SPEF2: variants seen among roughly 807,000 people sequenced by gnomAD.
SPEF2 encodes the protein sperm flagellar and cilia associated 2, also known as sperm flagella and cilia-associated protein 2.
In SPEF2, 187 loss-of-function variants were observed where a neutral mutation model predicts 224.6. The observed-to-expected ratio is 0.83, with a 90% confidence interval of 0.74 to 0.94. The LOEUF is 0.94. SPEF2 is among the 40% of genes least tolerant of loss of function. The pLI is 0.00. For missense variants in SPEF2, 2,170 were observed against 2,135.6 expected (o/e 1.02, Z -0.32); for synonymous variants, 715 against 707.3 (o/e 1.01, Z -0.17).
At chr5:35,672,019 T>C (rs971909529) in intron 10 of SPEF2, among the ~76,000 whole-genome samples, 4 of 151,836 alleles carry the variant, frequency 2.6e-5, no homozygotes, top group Non-Finnish European at 5.9e-5. Context: ...TTCAAGAACT[T>C]GTCCTAAATG....
chr5:35,676,432 A>G (rs1021039465), intron 10 of SPEF2, among the ~76,000 whole-genome samples: 2 of 152,178 alleles, frequency 1.3e-5, no homozygotes, highest in African/African-American at 2.4e-5. Context: ...TAAAGTTTTA[A>G]ATTTTAAAAC....
intron 29 of SPEF2, among the ~76,000 whole-genome samples, chr5:35,777,747 C>T (rs1753794658): frequency 6.6e-6 from 1 of 151,938 alleles, no homozygotes; most frequent in South Asian, 2.1e-4. Context: ...AAATCCTGTT[C>T]TTATTTTCCT....
intron 1 of SPEF2, 82 bp downstream of exon 1, chr5:35,618,137 A>C: frequency 1.4e-6 from 2 of 1,479,426 alleles, no homozygotes; most frequent in Non-Finnish European, 1.8e-6. Flanking sequence ...CACTCAGGGA[A>C]GGTGGCGGGC....
At chr5:35,670,764 A>G (rs1751132578) in intron 10 of SPEF2, 5 of 985,058 alleles carry the variant, frequency 5.1e-6, no homozygotes, top group Non-Finnish European at 6.0e-6. Flanking sequence ...TAGACAGACT[A>G]GAGCTACATT....
intron 19 of SPEF2, among the ~76,000 whole-genome samples, chr5:35,712,090 A>G (rs1741262380): frequency 6.6e-6 from 1 of 152,156 alleles, no homozygotes; most frequent in African/African-American, 2.4e-5. Flanking sequence ...ATATACTCAC[A>G]TCATTCTTTG....
chr5:35,651,060 T>C (rs557576800), intron 6 of SPEF2, among the ~76,000 whole-genome samples: 12 of 152,350 alleles, frequency 7.9e-5, no homozygotes, highest in Admixed American at 4.6e-4. Flanking sequence ...TTGGCCCATG[T>C]TCCAGATATC....
intron 23 of SPEF2, among the ~76,000 whole-genome samples, chr5:35,747,108 A>C (rs561264612): frequency 1.3e-5 from 2 of 152,302 alleles, no homozygotes; most frequent in African/African-American, 4.8e-5. Flanking sequence ...GTCTTTTTCA[A>C]ACAAACAAAT....
chr5:35,666,622 C>G (rs1056948212), intron 8 of SPEF2, among the ~76,000 whole-genome samples: 13 of 152,132 alleles, frequency 8.5e-5, no homozygotes, highest in African/African-American at 2.9e-4. Flanking sequence ...TTATAGAACT[C>G]TCCCATTGAA....
At chr5:35,787,712 A>C (rs1385871719) in intron 30 of SPEF2, among the ~76,000 whole-genome samples, 1 of 152,208 alleles carries the variant, frequency 6.6e-6, no homozygotes, top group East Asian at 1.9e-4. Context: ...TGTGATATAA[A>C]CTAGTTAAAG....
In SPEF2 at chr5:35,804,025, G is replaced by A. The variant is rs1027451412; in HGVS notation, c.5011-2682G>A. Among the ~76,000 whole-genome samples, 5 of 152,086 alleles carry A rather than the reference G, an allele frequency of 3.3e-5. No homozygotes were observed. In the South Asian group the frequency reaches 6.2e-4, roughly 19 times the overall value. On this transcript the variant is annotated intron_variant, in intron 34 of 36. Transcript: ENST00000356031. ...CGTTCTGCCACCTGTGTGGCGTGGG[G>A]TTAGTAAATTGTGAGCTTGAATCTC...
At chr5:35,706,608 G>T (rs1317102915) in intron 18 of SPEF2, among the ~76,000 whole-genome samples, 1 of 152,072 alleles carries the variant, frequency 6.6e-6, no homozygotes, top group Admixed American at 6.5e-5. Context: ...AATGGTCAAA[G>T]TTAATAGTGT....
rs1347543603 is a variant in SPEF2 at position 35,692,658 on chromosome 5, A to G, written c.1833A>G (p.Leu611=). 1 of 1,613,828 alleles carries G rather than the reference A, an allele frequency of 6.2e-7. No individual in the cohort carries two copies. Among genetic ancestry groups the G allele is most frequent in the African/African-American group, 1.3e-5 (1 of 74,932 alleles). Residue 611 remains leucine, a synonymous_variant, in exon 12 of 37, where the codon CTA becomes CTG. Transcript: ENST00000356031. ...ACAATGAAAAAGTCAGTGAGGTTCT[A>G]CCAATTCAGAAAAATGATGAAGAAG... ...FHDNEKVSEV[L]PIQKNDEEDA...
chr5:35,800,499 T>C (rs1403252910), intron 34 of SPEF2, among the ~76,000 whole-genome samples: 2 of 152,206 alleles, frequency 1.3e-5, no homozygotes, highest in South Asian at 2.1e-4. Flanking sequence ...GTAGAAACTG[T>C]AGATGAAACA....
intron 10 of SPEF2, among the ~76,000 whole-genome samples, chr5:35,688,021 A>T (rs985251801): frequency 6.6e-6 from 1 of 152,228 alleles, no homozygotes; most frequent in African/African-American, 2.4e-5. Context: ...TACTCAAAAT[A>T]TGGTGGGTGG....
At chr5:35,790,169 A>G in intron 30 of SPEF2, 1 of 702,694 alleles carries the variant, frequency 1.4e-6, no homozygotes. Context: ...GTCAGATGAA[A>G]TGGACCAAGT....
chr5:35,806,347 C>A (rs958610755), intron 34 of SPEF2, among the ~76,000 whole-genome samples: 6 of 152,208 alleles, frequency 3.9e-5, no homozygotes, highest in African/African-American at 1.4e-4. Context: ...CTTAGCCTCT[C>A]AATTGCATTC....
intron 23 of SPEF2, among the ~76,000 whole-genome samples, chr5:35,748,545 C>T (rs562113935): frequency 1.8e-4 from 27 of 152,222 alleles, no homozygotes; most frequent in African/African-American, 6.3e-4. Context: ...CTATGAACAC[C>T]TTTACACACA....
chr5:35,759,668 G>A lies in SPEF2; in HGVS notation c.3569G>A (p.Arg1190Gln), dbSNP rs762547827. 1 of 1,609,330 alleles carries A rather than the reference G, an allele frequency of 6.2e-7. No homozygotes were observed. The highest frequency in any genetic ancestry group is 8.5e-7 in the Non-Finnish European group (1 of 1,176,860). ...IPVEDNKRFTRIPLVQLDSKD... is the reference protein window; with the variant it reads ...IPVEDNKRFTQIPLVQLDSKD... ...GTAGAGGACAACAAGAGATTTACTC[G>A]AATCCCTTTGGTCCAACTGGATAGT... is the stretch of plus-strand genomic sequence containing the variant. The change falls in exon 25 of 37, where the codon CGA becomes CAA. Residue 1190 changes from arginine to glutamine, a missense_variant. By Grantham distance (43) the Arg-to-Gln change is conservative (BLOSUM62 1). Transcript: ENST00000356031.
At chr5:35,812,449 A>G (rs893143018) in intron 36 of SPEF2, among the ~76,000 whole-genome samples, 1 of 152,194 alleles carries the variant, frequency 6.6e-6, no homozygotes, top group South Asian at 2.1e-4. Flanking sequence ...ATTTTCAAAT[A>G]ATGCTCCTAA....
Sources: gnomAD v4.1 joint callset for allele counts (sites outside exome capture counted in the v4.1 genomes callset) on GRCh38, gnomAD v4.1.1 for gene constraint, MANE v1.5 for transcripts, NCBI Gene and HGNC (gene_info 2026-07-23, HGNC 2026-07-21) for gene names.